The following MALRD1 variants were observed in gnomAD, a reference collection of about 807,000 sequenced individuals.
MALRD1 encodes MAM and LDL-receptor class A domain-containing protein 1.
Under a neutral mutation model 242.1 loss-of-function variants are expected in MALRD1, and 247 were observed. The observed-to-expected ratio is 1.02, with a 90% CI of 0.92 to 1.13. The LOEUF is 1.13. MALRD1 is among the 50% of genes most tolerant of loss of function. The probability of loss-of-function intolerance (pLI) is 0.00; values close to 1 mark genes in which losing one functional copy is unlikely to be tolerated. For missense variants in MALRD1, 2,989 were observed against 2,533.1 expected, an observed-to-expected ratio of 1.18 and a Z score of -3.86; for synonymous variants, 995 against 866.6, an observed-to-expected ratio of 1.15 and a Z score of -2.60.
chr10:19,659,973 G>A (rs985370558), intron 36 of MALRD1, among the ~76,000 whole-genome samples: 11 of 152,240 alleles, frequency 7.2e-5, no homozygotes, highest in Non-Finnish European at 1.5e-4. Flanking sequence ...CTCCCTAACT[G>A]CATCCCCCTT....
chr10:19,671,550 G>A (rs1301977231), intron 36 of MALRD1, among the ~76,000 whole-genome samples: 1 of 151,780 alleles, frequency 6.6e-6, no homozygotes, highest in East Asian at 1.9e-4. Context: ...CCGAGGAGGC[G>A]GAGGATAGAG....
intron 21 of MALRD1, among the ~76,000 whole-genome samples, chr10:19,310,612 C>T (rs1842388327): frequency 6.6e-6 from 1 of 151,494 alleles, no homozygotes; most frequent in Non-Finnish European, 1.5e-5. Flanking sequence ...TTCTTCATCT[C>T]CTAAATTTGG....
chr10:19,259,362 T>C (rs568518758), intron 19 of MALRD1, among the ~76,000 whole-genome samples: 2 of 152,224 alleles, frequency 1.3e-5, no homozygotes, highest in East Asian at 1.9e-4. Context: ...AATAAAGACA[T>C]ACCCGAGCCT....
At chr10:19,097,511 G>T (rs1203747722) in intron 4 of MALRD1, among the ~76,000 whole-genome samples, 1 of 152,110 alleles carries the variant, frequency 6.6e-6, no homozygotes, top group African/African-American at 2.4e-5. Context: ...TTTTACTGTT[G>T]TCCTAAAATG....
chr10:19,622,243 A>G (rs1261543598), intron 36 of MALRD1, among the ~76,000 whole-genome samples: 1 of 151,756 alleles, frequency 6.6e-6, no homozygotes, highest in Non-Finnish European at 1.5e-5. Flanking sequence ...AGAATTGATA[A>G]AAGTTAATTC....
intron 28 of MALRD1, among the ~76,000 whole-genome samples, chr10:19,449,152 G>A (rs2131031544): frequency 6.6e-6 from 1 of 152,148 alleles, no homozygotes; most frequent in Non-Finnish European, 1.5e-5. Flanking sequence ...ACTGAGTAGG[G>A]CAATTTGTTT....
intron 36 of MALRD1, among the ~76,000 whole-genome samples, chr10:19,631,349 ATTT>A (rs1839893388): frequency 6.6e-6 from 1 of 152,150 alleles, no homozygotes; most frequent in South Asian, 2.1e-4. Context: ...GCTGCATAGT[ATTT>A]CATGATGTAT....
rs72782342 is a variant in MALRD1, at chr10:19,300,194, G to A, written c.3419+17013G>A. ...GAAAGATCTTTATAACAAGAATTAC[G>A]AAACACTTCTGAAATAAAACAGAGA... On this transcript the variant is annotated intron_variant, in intron 21 of 39. Transcript: ENST00000454679. Among the ~76,000 whole-genome samples, 615 of 151,866 alleles carry A rather than the reference G, an allele frequency of 4.0e-3. 1 individual carries two copies. Among genetic ancestry groups the A allele is most frequent in the Non-Finnish European group, 6.7e-3 (452 of 67,870 alleles).
chr10:19,114,221 G>A (rs1836791018), intron 5 of MALRD1, among the ~76,000 whole-genome samples: 1 of 152,124 alleles, frequency 6.6e-6, no homozygotes, highest in African/African-American at 2.4e-5. Context: ...TATTGAAGAA[G>A]AATTAATCTG....
intron 1 of MALRD1, among the ~76,000 whole-genome samples, chr10:19,056,987 T>G (rs573814966): frequency 6.6e-6 from 1 of 152,346 alleles, no homozygotes; most frequent in Admixed American, 6.5e-5. Flanking sequence ...TTGATTTGCA[T>G]AAGTTGAACC....
At chr10:19,488,913 G>C (rs1204060299) in intron 29 of MALRD1, 6 of 364,428 alleles carry the variant, frequency 1.6e-5, no homozygotes, top group Non-Finnish European at 1.1e-5. Flanking sequence ...GAAGTAGTTT[G>C]GGTTATTACA....
chr10:19,510,176 C>T (rs1426083092), intron 31 of MALRD1, among the ~76,000 whole-genome samples: 4 of 152,172 alleles, frequency 2.6e-5, no homozygotes, highest in Admixed American at 2.6e-4. Context: ...CATGTCTCAC[C>T]TCCAGCCCTA....
At chr10:19,239,565 C>A (rs777347944) in intron 18 of MALRD1, among the ~76,000 whole-genome samples, 6 of 152,036 alleles carry the variant, frequency 3.9e-5, no homozygotes, top group Non-Finnish European at 7.4e-5. Flanking sequence ...TTAAAAAATT[C>A]TTTTACAACC....
intron 1 of MALRD1, among the ~76,000 whole-genome samples, chr10:19,050,345 C>T (rs1834454263): frequency 2.0e-5 from 3 of 151,516 alleles, no homozygotes; most frequent in Admixed American, 2.0e-4. Context: ...CCTCGGCCTC[C>T]CAAAGTGCTG....
intron 26 of MALRD1, among the ~76,000 whole-genome samples, chr10:19,361,117 T>C (rs1030619899): frequency 6.6e-6 from 1 of 152,140 alleles, no homozygotes; most frequent in Admixed American, 6.6e-5. Flanking sequence ...CCAATACTTA[T>C]ATAGATACAT....
intron 18 of MALRD1, among the ~76,000 whole-genome samples, chr10:19,234,631 T>TC (rs1838221519): frequency 4.8e-5 from 3 of 61,974 alleles, no homozygotes. Context: ...GAGCTTATCT[T>TC]TAAAAAAAAA....
rs550728667 is a variant in MALRD1, at chr10:19,455,073, GT to G, written c.5029+4585del. ...AGAAGGCTCTCTCCTTTTTGGACAA[GT>G]TAATAAGGAAGCAAGGAAGCAAGTA... On this transcript the variant is annotated intron_variant, in intron 29 of 39. Coordinates refer to ENST00000454679, the MANE Select transcript of MALRD1 (RefSeq NM_001142308.3). Among the ~76,000 whole-genome samples the G allele has an allele frequency of 1.1e-4, 17 of 152,202 alleles. No homozygotes were observed. The South Asian group carries it at 3.3e-3, about 30-fold the overall frequency.
chr10:19,430,690 A>G (rs748617675), intron 28 of MALRD1, among the ~76,000 whole-genome samples: 2 of 152,212 alleles, frequency 1.3e-5, no homozygotes, highest in Non-Finnish European at 2.9e-5. Context: ...GGCACATAAA[A>G]GACACTTAAT....
At chr10:19,393,955 G>C (rs1391240730) in intron 28 of MALRD1, among the ~76,000 whole-genome samples, 1 of 152,106 alleles carries the variant, frequency 6.6e-6, no homozygotes, top group Non-Finnish European at 1.5e-5. Flanking sequence ...GCTACCTGAA[G>C]AGCATTATCT....
Sources: allele counts gnomAD v4.1 joint callset (sites outside exome capture counted in the v4.1 genomes callset), GRCh38; gene constraint gnomAD v4.1.1; transcripts MANE v1.5; gene names NCBI Gene and HGNC (gene_info 2026-07-23, HGNC 2026-07-21).